ARMC6: variants seen among roughly 807,000 people sequenced by gnomAD.
The protein encoded by ARMC6 is armadillo repeat containing 6, also known as armadillo repeat-containing protein 6.
In ARMC6, 43 loss-of-function variants were observed where a neutral mutation model predicts 49.2. That is an observed-to-expected ratio of 0.87 (90% CI 0.69 to 1.13). The LOEUF is 1.13. Ranked by LOEUF, ARMC6 falls within the 50% of genes most tolerant of loss-of-function variation. ARMC6 has a pLI of 0.00. For missense variants in ARMC6, 627 were observed against 682.0 expected (o/e 0.92, Z 0.90); for synonymous variants, 262 against 289.6 (o/e 0.90, Z 0.97).
intron 2 of ARMC6, among the ~76,000 whole-genome samples, chr19:19,034,993 C>G (rs926633840): frequency 1.3e-5 from 2 of 152,068 alleles, no homozygotes; most frequent in African/African-American, 4.8e-5. Context: ...TCCCGAGTAG[C>G]TGGAAATACA....
intron 5 of ARMC6, 51 bp downstream of exon 5, chr19:19,052,246 T>C: frequency 1.3e-6 from 2 of 1,501,164 alleles, no homozygotes; most frequent in Non-Finnish European, 1.8e-6. Context: ...GCGGGTCAGA[T>C]GTGACCAGAG....
chr19:19,042,755 A>G lies in ARMC6; in HGVS notation c.74A>G (p.Lys25Arg), dbSNP rs753343456. ...IGCTPTSTQAKMVSKRIAQET... is the reference protein window; with the variant it reads ...IGCTPTSTQARMVSKRIAQET... ...TGCACGCCAACATCAACACAGGCGAAGATGGTCTCCAAGCGCATTGCCCAG... is the reference window on the plus strand; with the variant it reads ...TGCACGCCAACATCAACACAGGCGAGGATGGTCTCCAAGCGCATTGCCCAG... The change falls in exon 3 of 9, where the codon AAG becomes AGG. Residue 25 changes from lysine (K) to arginine (R), a missense_variant. Lys to Arg is a conservative substitution (Grantham distance 26, BLOSUM62 2). Coordinates refer to ENST00000535612, the MANE Select transcript of ARMC6 (RefSeq NM_001199196.2). The G allele has an allele frequency of 6.2e-7, 1 of 1,613,874 alleles. No homozygotes were observed. The highest frequency in any genetic ancestry group is 2.2e-5 in the East Asian group (1 of 44,890).
intron 3 of ARMC6, 146 bp downstream of exon 3, chr19:19,043,023 C>A: frequency 1.0e-6 from 1 of 1,000,712 alleles, no homozygotes; most frequent in Non-Finnish European, 1.5e-6. Context: ...CAGCTTCTGC[C>A]CGAGGCAGGC....
At chr19:19,034,329 G>A (rs2059319400) in intron 2 of ARMC6, 91 bp downstream of exon 2, 1 of 1,471,194 alleles carries the variant, frequency 6.8e-7, no homozygotes, top group African/African-American at 1.4e-5. Flanking sequence ...TCTCTTGAGT[G>A]CTGGGAAGGA....
intron 5 of ARMC6, among the ~76,000 whole-genome samples, chr19:19,052,527 G>A (rs932758755): frequency 1.1e-4 from 17 of 152,208 alleles, no homozygotes; most frequent in African/African-American, 3.9e-4. Flanking sequence ...AGGACTCGGG[G>A]GGGCTGGCTG....
intron 1 of ARMC6, 94 bp from the exon 2 acceptor site, chr19:19,034,037 A>G: frequency 1.7e-6 from 1 of 594,336 alleles, no homozygotes; most frequent in Non-Finnish European, 3.0e-6. Context: ...GGGGAAAAAA[A>G]AAATGAAAGA....
At chr19:19,042,636 C>A (rs141832658) in intron 2 of ARMC6, 75 bp from the exon 3 acceptor site, 2 of 1,519,198 alleles carry the variant, frequency 1.3e-6, no homozygotes, top group Non-Finnish European at 1.8e-6. Flanking sequence ...TCCTAAGTGG[C>A]GTTTTCAAGG....
chr19:19,057,899 T>G lies in ARMC6; in HGVS notation c.*271T>G. 4 of 573,138 alleles carry G rather than the reference T, an allele frequency of 7.0e-6. No individual in the cohort carries two copies. The highest frequency in any genetic ancestry group is 9.6e-6 in the Non-Finnish European group (3 of 313,858). The allele number at this position is 573,138 out of a possible 1,614,324, so 35.5% of individuals were successfully genotyped here. A position where few individuals can be genotyped will look rare whatever the true frequency, so the allele number is the denominator to read the frequency against. ...TGCTCCTTCCCCCAGCCCCACGCCC[T>G]ACCAGAGGGGGCAAAGGGCACGTCC... On this transcript the variant is annotated 3_prime_UTR_variant, in exon 9 of 9. Coordinates refer to ENST00000535612, the MANE Select transcript of ARMC6 (RefSeq NM_001199196.2).
Position 19,051,751 on chromosome 19 carries a change from T to A in ARMC6, c.409T>A (p.Tyr137Asn), listed in dbSNP as rs1432178212. The change falls in exon 5 of 9, where the codon TAC becomes AAC. Residue 137 changes from tyrosine to asparagine, a missense_variant. Tyr to Asn is a moderately radical substitution (Grantham distance 143, BLOSUM62 -2). Transcript: ENST00000535612. ...CTTCCTCGCGGCCCAGAAGGGGGCC[T>A]ACCCCATCATCTTCACTGCCTGGAA... is the stretch of plus-strand genomic sequence containing the variant. ...CRFLAAQKGA[Y>N]PIIFTAWKLA... 6.2e-7 allele frequency: 1 copy of A among 1,613,938 alleles called. No homozygotes were observed. Among genetic ancestry groups the A allele is most frequent in the Non-Finnish European group, 8.5e-7 (1 of 1,180,046 alleles).
chr19:19,039,862 A>G (rs2059398188), intron 2 of ARMC6, among the ~76,000 whole-genome samples: 1 of 152,208 alleles, frequency 6.6e-6, no homozygotes, highest in East Asian at 1.9e-4. Context: ...CCTCTAGTTG[A>G]CATTCTCTTC....
chr19:19,050,585 C>T (rs2059487952), intron 4 of ARMC6, among the ~76,000 whole-genome samples: 2 of 152,140 alleles, frequency 1.3e-5, no homozygotes. Context: ...GTATTAGTGG[C>T]CATTTGTATG....
chr19:19,036,602 A>G (rs2059370885), intron 2 of ARMC6, among the ~76,000 whole-genome samples: 1 of 152,120 alleles, frequency 6.6e-6, no homozygotes. Context: ...AACTCTTTAT[A>G]TTACTCTTCC....
chr19:19,034,215 T>C lies in ARMC6; in HGVS notation c.6T>C (p.Ser2=). 1 of 1,594,808 alleles carries C rather than the reference T, an allele frequency of 6.3e-7. No individual in the cohort carries two copies. The highest frequency in any genetic ancestry group is 8.5e-7 in the Non-Finnish European group (1 of 1,178,382). M[S]ERCCSRYSSG... ...AGGCTACAGGGTACAAATAAATGAGTGAACGATGTTGCTCTAGATACAGGT... is the reference window on the plus strand; with the variant it reads ...AGGCTACAGGGTACAAATAAATGAGCGAACGATGTTGCTCTAGATACAGGT... Residue 2 remains serine (S), a synonymous_variant, in exon 2 of 9, where the codon AGT becomes AGC. Coordinates refer to ENST00000535612, the MANE Select transcript of ARMC6 (RefSeq NM_001199196.2).
intron 6 of ARMC6, 97 bp downstream of exon 6, chr19:19,054,418 C>G: frequency 1.5e-6 from 2 of 1,299,520 alleles, no homozygotes; most frequent in Non-Finnish European, 2.0e-6. Flanking sequence ...CTGCCAGTGT[C>G]GGAACCAAAG....
At chr19:19,046,440 G>C (rs2059451066) in intron 4 of ARMC6, among the ~76,000 whole-genome samples, 1 of 151,828 alleles carries the variant, frequency 6.6e-6, no homozygotes, top group African/African-American at 2.4e-5. Context: ...CTTGTGATCC[G>C]CCTGCCTCGG....
At chr19:19,039,503 C>T (rs894691670) in intron 2 of ARMC6, 5 of 337,326 alleles carry the variant, frequency 1.5e-5, no homozygotes, top group South Asian at 1.1e-4. Flanking sequence ...AGAACGTTTT[C>T]ATCACCCAGA....
chr19:19,038,729 C>G (rs1159328607), intron 2 of ARMC6, among the ~76,000 whole-genome samples: 1 of 152,142 alleles, frequency 6.6e-6, no homozygotes, highest in Non-Finnish European at 1.5e-5. Flanking sequence ...AGGCGCCCCA[C>G]TAATTTTTGT....
intron 1 of ARMC6, 53 bp from the exon 2 acceptor site, chr19:19,034,078 C>A: frequency 1.5e-6 from 1 of 662,732 alleles, no homozygotes; most frequent in Admixed American, 2.6e-5. Context: ...GGACAAAATC[C>A]TCGGCTTCCC....
chr19:19,048,814 G>T (rs527489777), intron 4 of ARMC6, among the ~76,000 whole-genome samples: 1 of 152,260 alleles, frequency 6.6e-6, no homozygotes, highest in East Asian at 1.9e-4. Flanking sequence ...ATATGTCAGA[G>T]AAATATATTT....
Sources: allele counts gnomAD v4.1 joint callset (sites outside exome capture counted in the v4.1 genomes callset), GRCh38; gene constraint gnomAD v4.1.1; transcripts MANE v1.5; gene names NCBI Gene and HGNC (gene_info 2026-07-23, HGNC 2026-07-21).